The following PSD3 variants were observed in gnomAD, a reference collection of about 807,000 sequenced individuals.
PSD3 encodes the protein pleckstrin and Sec7 domain containing 3, also known as PH and SEC7 domain-containing protein 3.
PSD3 carries 49 observed loss-of-function variants against 105.5 expected under a neutral mutation model. The ratio of observed to expected loss-of-function variants is 0.46; its 90% CI spans 0.37 to 0.59. The LOEUF is 0.59. Ranked by LOEUF, PSD3 falls within the 20% of genes least tolerant of loss-of-function variation. The pLI is 0.00. For missense variants in PSD3, 1,561 were observed against 1,263.8 expected, an observed-to-expected ratio of 1.24 and a Z score of -3.57; for synonymous variants, 557 against 457.8, an observed-to-expected ratio of 1.22 and a Z score of -2.77.
At chr8:18,969,279 C>G (rs1472664053) in intron 1 of PSD3, among the ~76,000 whole-genome samples, 1 of 152,176 alleles carries the variant, frequency 6.6e-6, no homozygotes, top group Non-Finnish European at 1.5e-5. Flanking sequence ...TATTCGTTGA[C>G]AAAGTGTCCT....
At position 19,074,584 on chromosome 8, in the gene PSD3, G is replaced by GATATATATATATATAT. The variant is rs57891868; in HGVS notation, c.324+9621_324+9622insATATATATATATATAT. Among the ~76,000 whole-genome samples, 448 of 99,328 alleles carry GATATATATATATATAT rather than the reference G, an allele frequency of 4.5e-3. 20 individuals are homozygous for GATATATATATATATAT. The highest frequency in any genetic ancestry group is 6.6e-3 in the Non-Finnish European group (316 of 47,720). 65.2% of individuals were successfully genotyped at this position (99,328 alleles called of 152,430 possible). The stretch of plus-strand genomic sequence containing the variant: ...ATAAAAGGTATAATTTTACAACTCA[G>GATATATATATATATAT]ATATATACATATATATATATATATA... On this transcript the variant is annotated intron_variant, in intron 1 of 1. Coordinates refer to the PSD3 transcript ENST00000521475.
chr8:19,032,557 G>C (rs1343681378), intron 1 of PSD3, among the ~76,000 whole-genome samples: 3 of 151,584 alleles, frequency 2.0e-5, no homozygotes, highest in Non-Finnish European at 4.4e-5. Flanking sequence ...GGCTGATGTG[G>C]GAGTATTGCT....
chr8:18,959,175 C>T (rs144182421), intron 1 of PSD3, among the ~76,000 whole-genome samples: 2,200 of 152,338 alleles, frequency 0.014, 69 homozygotes, highest in African/African-American at 0.05. Context: ...CCCGACTCGG[C>T]CTCCCAAAGT....
upstream of PSD3, among the ~76,000 whole-genome samples, chr8:19,018,359 TA>T (rs33971629): frequency 0.38 from 57,165 of 149,616 alleles, 11,184 homozygotes; most frequent in East Asian, 0.44. Flanking sequence ...ATGCTCTTTT[TA>T]AAAAAAAAAA....
chr8:18,574,851 C>T (rs1802374919), intron 13 of PSD3, among the ~76,000 whole-genome samples: 1 of 152,122 alleles, frequency 6.6e-6, no homozygotes, highest in African/African-American at 2.4e-5. Context: ...TCTACTAAAA[C>T]CCTCATATTT....
chr8:18,975,636 C>T (rs1824905130), intron 1 of PSD3, among the ~76,000 whole-genome samples: 1 of 152,122 alleles, frequency 6.6e-6, no homozygotes. Context: ...GCAACAGTTC[C>T]AGTATCTTTT....
intron 10 of PSD3, among the ~76,000 whole-genome samples, chr8:18,641,323 T>C (rs144169034): frequency 6.6e-6 from 1 of 152,238 alleles, no homozygotes; most frequent in East Asian, 1.9e-4. Flanking sequence ...TGAGTAGTGA[T>C]GGGAAGGAGC....
intron 1 of PSD3, among the ~76,000 whole-genome samples, chr8:18,984,190 T>TG (rs1825384454): frequency 1.0e-5 from 1 of 99,624 alleles, no homozygotes; most frequent in Non-Finnish European, 2.4e-5. Flanking sequence ...ACCCTTCAAT[T>TG]AAAATAATAA....
intron 15 of PSD3, 135 bp from the exon 16 acceptor site, chr8:18,536,093 T>C (rs1433172329): frequency 1.2e-6 from 1 of 800,652 alleles, no homozygotes; most frequent in East Asian, 2.7e-5. Context: ...AACTGACAAA[T>C]TACTTGGGCA....
At chr8:18,808,794 C>G in intron 4 of PSD3, 1 of 1,613,998 alleles carries the variant, frequency 6.2e-7, no homozygotes, top group Non-Finnish European at 8.5e-7. Flanking sequence ...CATCGCAACC[C>G]CTGGGGTGCG....
chr8:18,979,538 A>C (rs921299310), intron 1 of PSD3: 6 of 152,170 alleles, frequency 3.9e-5, no homozygotes, highest in Non-Finnish European at 8.8e-5. Context: ...TTTACTACTA[A>C]TATCTCCTTA....
At chr8:18,843,938 C>A (rs1814860384) in intron 4 of PSD3, among the ~76,000 whole-genome samples, 1 of 143,078 alleles carries the variant, frequency 7.0e-6, no homozygotes, top group Non-Finnish European at 1.5e-5. Context: ...TTTTTTTACC[C>A]AAGGCAATAC....
At chr8:18,993,032 C>T (rs1291887380) in intron 1 of PSD3, among the ~76,000 whole-genome samples, 3 of 152,136 alleles carry the variant, frequency 2.0e-5, no homozygotes, top group African/African-American at 7.2e-5. Flanking sequence ...CTTGTATAAT[C>T]CAAATCTTCC....
At chr8:18,616,628 C>CTTTTTTTTTTTTTT (rs71217391) in intron 11 of PSD3, among the ~76,000 whole-genome samples, 13 of 126,768 alleles carry the variant, frequency 1.0e-4, no homozygotes, top group African/African-American at 2.4e-4. Context: ...CTTTTCTTTT[C>CTTTTTTTTTTTTTT]TTTTTTTTTT....
At chr8:18,947,752 AC>A (rs1822959642) in intron 1 of PSD3, among the ~76,000 whole-genome samples, 1 of 152,162 alleles carries the variant, frequency 6.6e-6, no homozygotes, top group Non-Finnish European at 1.5e-5. Flanking sequence ...CCTTCTAGGA[AC>A]CGTGCCTGGC....
chr8:18,588,455 C>G (rs1247824911), intron 12 of PSD3, among the ~76,000 whole-genome samples: 1 of 152,166 alleles, frequency 6.6e-6, no homozygotes, highest in Admixed American at 6.5e-5. Flanking sequence ...ACATGGCCAC[C>G]CTTTTGCAGG....
intron 10 of PSD3, among the ~76,000 whole-genome samples, chr8:18,650,385 C>T (rs1276671447): frequency 6.6e-6 from 1 of 152,232 alleles, no homozygotes; most frequent in Non-Finnish European, 1.5e-5. Flanking sequence ...TAGTTTTGTT[C>T]TCCCCAAATT....
chr8:18,529,377 A>C lies in PSD3; in HGVS notation c.*6366T>G. Reference sequence around the variant, plus strand: ...GAATATTCTGGCTCTTTGCATCTTAAGGTCTTATGTTTGTATAACTTAAAA... The same window carrying C: ...GAATATTCTGGCTCTTTGCATCTTACGGTCTTATGTTTGTATAACTTAAAA... On this transcript the variant is annotated 3_prime_UTR_variant, in exon 16 of 16. Coordinates refer to ENST00000327040, the MANE Select transcript of PSD3 (RefSeq NM_015310.4). 1 of 152,172 alleles carries C rather than the reference A, an allele frequency of 6.6e-6. No individual in the cohort carries two copies. Among genetic ancestry groups the C allele is most frequent in the East Asian group, 1.9e-4 (1 of 5,178 alleles). 9.4% of individuals were successfully genotyped at this position (152,172 alleles called of 1,614,324 possible).
At chr8:19,023,919 G>A (rs1827451582) in intron 1 of PSD3, among the ~76,000 whole-genome samples, 2 of 152,128 alleles carry the variant, frequency 1.3e-5, no homozygotes, top group African/African-American at 2.4e-5. Context: ...AAGCTTTTTA[G>A]CACAGCACTA....
Sources: gnomAD v4.1 joint callset for allele counts (sites outside exome capture counted in the v4.1 genomes callset) on GRCh38, gnomAD v4.1.1 for gene constraint, MANE v1.5 for transcripts, NCBI Gene and HGNC (gene_info 2026-07-23, HGNC 2026-07-21) for gene names.